The following SORCS3 variants were observed in gnomAD, a reference collection of about 807,000 sequenced individuals.
SORCS3 encodes VPS10 domain-containing receptor SorCS3.
SORCS3 carries 57 observed loss-of-function variants against 146.3 expected under a neutral mutation model. The observed-to-expected ratio is 0.39, with a 90% CI of 0.31 to 0.49. SORCS3 has a LOEUF of 0.49. Among genes scored for constraint, SORCS3 ranks in the 20% least tolerant of loss-of-function variants. The probability of loss-of-function intolerance (pLI) is 0.92; values close to 1 mark genes in which losing one functional copy is unlikely to be tolerated. For synonymous variants in SORCS3, 653 were observed against 618.5 expected (o/e 1.06, Z -0.83); for missense variants, 1,341 against 1,575.5 (o/e 0.85, Z 2.52).
chr10:104,738,084 G>C (rs1245866025), intron 1 of SORCS3, among the ~76,000 whole-genome samples: 1 of 152,084 alleles, frequency 6.6e-6, no homozygotes, highest in Non-Finnish European at 1.5e-5. Flanking sequence ...TCAGATAGTT[G>C]TAGATATGCG....
In SORCS3 at chr10:104,860,778, C is replaced by T. The variant is rs562678435; in HGVS notation, c.695+17919C>T. Among the ~76,000 whole-genome samples, 130 of 152,256 alleles carry T rather than the reference C, an allele frequency of 8.5e-4. No homozygotes were observed. In the South Asian group the frequency reaches 9.5e-3, roughly 11 times the overall value. The stretch of plus-strand genomic sequence containing the variant: ...GAAAAACCTGAGGGGCAGAGAGCTT[C>T]AGTAACTTTCCTGGCATGCTTACTA... On this transcript the variant is annotated intron_variant, in intron 2 of 26. Transcript: ENST00000369701.
chr10:104,881,097 C>T (rs957557211), intron 2 of SORCS3, among the ~76,000 whole-genome samples: 11 of 152,070 alleles, frequency 7.2e-5, no homozygotes, highest in African/African-American at 2.4e-4. Flanking sequence ...TTACATTCCC[C>T]GATAACATCA....
intron 5 of SORCS3, among the ~76,000 whole-genome samples, chr10:105,086,104 G>A (rs1473651259): frequency 6.6e-6 from 1 of 151,998 alleles, no homozygotes; most frequent in Non-Finnish European, 1.5e-5. Flanking sequence ...TTTCCTAACA[G>A]CTTCAGTAAG....
chr10:105,153,210 A>G (rs1300676488), intron 9 of SORCS3, among the ~76,000 whole-genome samples: 1 of 152,104 alleles, frequency 6.6e-6, no homozygotes, highest in Non-Finnish European at 1.5e-5. Flanking sequence ...ATGGAATTAT[A>G]CAGTAGGTAA....
intron 1 of SORCS3, among the ~76,000 whole-genome samples, chr10:104,801,041 T>C (rs897249456): frequency 2.0e-5 from 3 of 152,250 alleles, no homozygotes; most frequent in Non-Finnish European, 4.4e-5. Context: ...TTGCTCTTTT[T>C]CCATGTGTGT....
chr10:104,656,859 G>C (rs1338146868), intron 1 of SORCS3, among the ~76,000 whole-genome samples: 1 of 152,180 alleles, frequency 6.6e-6, no homozygotes, highest in Admixed American at 6.5e-5. Flanking sequence ...GGTAGTGGGG[G>C]TAGATAAGAA....
At chr10:105,078,789 G>A (rs750043614) in intron 5 of SORCS3, among the ~76,000 whole-genome samples, 28 of 152,086 alleles carry the variant, frequency 1.8e-4, no homozygotes, top group Admixed American at 9.2e-4. Context: ...CCATTGTGCC[G>A]ATGAAAAAAT....
chr10:104,674,141 C>G (rs565228622), intron 1 of SORCS3, among the ~76,000 whole-genome samples: 1 of 152,166 alleles, frequency 6.6e-6, no homozygotes, highest in Non-Finnish European at 1.5e-5. Flanking sequence ...AGTCTCTCCC[C>G]CTGGGAATAA....
At chr10:104,840,084 G>A (rs2018120234) in intron 1 of SORCS3, among the ~76,000 whole-genome samples, 1 of 152,150 alleles carries the variant, frequency 6.6e-6, no homozygotes, top group South Asian at 2.1e-4. Context: ...AGCTTTTGTG[G>A]GGTGTGGGCT....
chr10:105,163,561 A>G (rs1345366143), intron 11 of SORCS3, among the ~76,000 whole-genome samples: 3 of 152,164 alleles, frequency 2.0e-5, no homozygotes, highest in Non-Finnish European at 4.4e-5. Context: ...CGAAATCAAT[A>G]TAGATGGACT....
chr10:105,119,670 C>A (rs550774533), intron 7 of SORCS3, among the ~76,000 whole-genome samples: 1 of 152,172 alleles, frequency 6.6e-6, no homozygotes, highest in Non-Finnish European at 1.5e-5. Context: ...CAAAGGAGAT[C>A]ATTTTGGAAC....
chr10:104,654,719 G>A (rs1358035963), intron 1 of SORCS3, among the ~76,000 whole-genome samples: 1 of 152,144 alleles, frequency 6.6e-6, no homozygotes, highest in African/African-American at 2.4e-5. Flanking sequence ...GTGCTATTTG[G>A]CATTATATGT....
At chr10:104,823,437 C>T (rs944955426) in intron 1 of SORCS3, among the ~76,000 whole-genome samples, 1 of 152,072 alleles carries the variant, frequency 6.6e-6, no homozygotes, top group African/African-American at 2.4e-5. Flanking sequence ...TTTTTAGCGA[C>T]AACTTTTTCA....
chr10:105,176,852 T>TCAAACAAA (rs140792886), intron 13 of SORCS3, among the ~76,000 whole-genome samples: 3 of 151,304 alleles, frequency 2.0e-5, no homozygotes, highest in African/African-American at 4.8e-5. Flanking sequence ...AGACTCCGTC[T>TCAAACAAA]CAAACAAACA....
At chr10:105,005,987 C>T (rs997915747) in intron 4 of SORCS3, among the ~76,000 whole-genome samples, 5 of 152,170 alleles carry the variant, frequency 3.3e-5, no homozygotes, top group Non-Finnish European at 7.3e-5. Context: ...CTCTGTCGCC[C>T]AGGCTTGAGT....
chr10:104,776,593 C>G (rs921127695), intron 1 of SORCS3, among the ~76,000 whole-genome samples: 4 of 151,440 alleles, frequency 2.6e-5, no homozygotes, highest in Non-Finnish European at 5.9e-5. Context: ...GTAGAGCACC[C>G]TTGCCAAATA....
At chr10:104,953,250 T>A (rs1200077029) in intron 3 of SORCS3, among the ~76,000 whole-genome samples, 1 of 152,222 alleles carries the variant, frequency 6.6e-6, no homozygotes, top group Non-Finnish European at 1.5e-5. Context: ...TCTGCTGAAT[T>A]ACATATTCCA....
intron 6 of SORCS3, among the ~76,000 whole-genome samples, chr10:105,104,742 A>G (rs1425390261): frequency 6.6e-6 from 1 of 152,248 alleles, no homozygotes; most frequent in Non-Finnish European, 1.5e-5. Context: ...TCTGTGCAGT[A>G]TGGCACAAGC....
At chr10:104,744,298 A>G (rs761425925) in intron 1 of SORCS3, among the ~76,000 whole-genome samples, 1 of 152,110 alleles carries the variant, frequency 6.6e-6, no homozygotes, top group Non-Finnish European at 1.5e-5. Flanking sequence ...TCCCTCCCCT[A>G]TGGTGCTCTG....
Sources: gnomAD v4.1 joint callset for allele counts (sites outside exome capture counted in the v4.1 genomes callset) on GRCh38, gnomAD v4.1.1 for gene constraint, MANE v1.5 for transcripts, NCBI Gene and HGNC (gene_info 2026-07-23, HGNC 2026-07-21) for gene names.